ESRRG: variants seen among roughly 807,000 people sequenced by gnomAD.
ESRRG encodes the protein estrogen-related receptor gamma.
ESRRG carries 13 observed loss-of-function variants against 44.0 expected under a neutral mutation model. The observed-to-expected ratio is 0.30, with a 90% CI of 0.19 to 0.47. The LOEUF (loss-of-function observed/expected upper bound fraction) is 0.47. Ranked by LOEUF, ESRRG falls within the 20% of genes least tolerant of loss-of-function variation. The probability of loss-of-function intolerance (pLI) is 1.00; values close to 1 mark genes in which losing one functional copy is unlikely to be tolerated. For missense variants in ESRRG, 395 were observed against 580.6 expected (o/e 0.68, Z 3.29); for synonymous variants, 215 against 214.6 (o/e 1.00, Z -0.02).
chr1:216,917,446 G>A (rs2061339645), intron 2 of ESRRG, among the ~76,000 whole-genome samples: 2 of 152,112 alleles, frequency 1.3e-5, no homozygotes, highest in Admixed American at 6.5e-5. Flanking sequence ...TCCATTAAAA[G>A]GGAAAATAAT....
At chr1:216,838,266 G>A (rs994565769) in intron 2 of ESRRG, among the ~76,000 whole-genome samples, 6 of 152,152 alleles carry the variant, frequency 3.9e-5, no homozygotes, top group East Asian at 1.9e-4. Context: ...TGGTTCTCAC[G>A]TTGATAATGA....
intron 6 of ESRRG, among the ~76,000 whole-genome samples, chr1:216,508,364 G>A (rs780646147): frequency 6.6e-6 from 1 of 152,040 alleles, no homozygotes; most frequent in Non-Finnish European, 1.5e-5. Flanking sequence ...CTGGTGAACT[G>A]ACCACTATTT....
intron 5 of ESRRG, among the ~76,000 whole-genome samples, chr1:216,548,023 G>A (rs983004101): frequency 2.0e-5 from 3 of 151,984 alleles, no homozygotes; most frequent in African/African-American, 7.2e-5. Flanking sequence ...AGCTACGTGG[G>A]TTGGCTAGCA....
intron 1 of ESRRG, among the ~76,000 whole-genome samples, chr1:217,118,398 G>A (rs76981465): frequency 1.1e-4 from 16 of 151,508 alleles, no homozygotes; most frequent in African/African-American, 3.9e-4. Flanking sequence ...TGGCCTCAAA[G>A]TCTGTAGCTC....
At chr1:216,822,516 C>T (rs963715969) in intron 2 of ESRRG, among the ~76,000 whole-genome samples, 3 of 152,228 alleles carry the variant, frequency 2.0e-5, no homozygotes, top group African/African-American at 7.2e-5. Context: ...GAATCATGGC[C>T]TTAAAGTGGT....
At chr1:216,777,282 G>A (rs1287974417) in intron 2 of ESRRG, among the ~76,000 whole-genome samples, 3 of 152,080 alleles carry the variant, frequency 2.0e-5, no homozygotes, top group Admixed American at 2.0e-4. Context: ...TGTGAGAGAT[G>A]GTGTTCCGAG....
intron 3 of ESRRG, among the ~76,000 whole-genome samples, chr1:216,617,232 T>G (rs965506261): frequency 6.6e-6 from 1 of 152,128 alleles, no homozygotes; most frequent in Non-Finnish European, 1.5e-5. Flanking sequence ...GTGGCTGATG[T>G]TAACCAAACC....
intron 2 of ESRRG, among the ~76,000 whole-genome samples, chr1:216,871,812 T>C (rs2096263594): frequency 6.6e-6 from 1 of 152,098 alleles, no homozygotes; most frequent in Non-Finnish European, 1.5e-5. Context: ...CAATGTTAAA[T>C]GTTTTGCTTT....
At chr1:216,905,789 G>C (rs2059616421) in intron 2 of ESRRG, among the ~76,000 whole-genome samples, 1 of 152,008 alleles carries the variant, frequency 6.6e-6, no homozygotes, top group African/African-American at 2.4e-5. Flanking sequence ...TGTCACCCAG[G>C]CTTGAGTGCA....
At chr1:216,971,722 C>G (rs2071708612) in intron 1 of ESRRG, among the ~76,000 whole-genome samples, 1 of 152,114 alleles carries the variant, frequency 6.6e-6, no homozygotes, top group Non-Finnish European at 1.5e-5. Flanking sequence ...TGAAAACGAA[C>G]AATGAGACTG....
At chr1:216,719,044 T>C (rs939122504) in intron 1 of ESRRG, among the ~76,000 whole-genome samples, 9 of 152,048 alleles carry the variant, frequency 5.9e-5, no homozygotes, top group Non-Finnish European at 1.2e-4. Context: ...CTTCAGTGCT[T>C]AACATCACTT....
chr1:216,652,665 T>G (rs1252673414), intron 2 of ESRRG, among the ~76,000 whole-genome samples: 1 of 152,162 alleles, frequency 6.6e-6, no homozygotes, highest in Non-Finnish European at 1.5e-5. Flanking sequence ...GAGATATTAC[T>G]GATGCTATAC....
At chr1:216,811,751 A>G (rs2094976734) in intron 2 of ESRRG, among the ~76,000 whole-genome samples, 1 of 152,200 alleles carries the variant, frequency 6.6e-6, no homozygotes, top group Non-Finnish European at 1.5e-5. Flanking sequence ...AAAGGAACAG[A>G]GCATTATAAG....
chr1:216,866,634 G>A (rs368581499), intron 2 of ESRRG, among the ~76,000 whole-genome samples: 23 of 150,912 alleles, frequency 1.5e-4, no homozygotes, highest in Non-Finnish European at 3.2e-4. Flanking sequence ...GCAATGGTGC[G>A]GCCTCAGCTC....
At chr1:216,692,538 A>T (rs2079263923) in intron 1 of ESRRG, among the ~76,000 whole-genome samples, 1 of 152,216 alleles carries the variant, frequency 6.6e-6, no homozygotes, top group African/African-American at 2.4e-5. Flanking sequence ...AAGTTACAGT[A>T]AGCTAGGGCT....
At chr1:216,660,384 A>G (rs1053700434) in intron 2 of ESRRG, among the ~76,000 whole-genome samples, 2 of 152,182 alleles carry the variant, frequency 1.3e-5, no homozygotes, top group African/African-American at 4.8e-5. Flanking sequence ...TGTGCTTTAC[A>G]TTATGAACTA....
chr1:216,640,607 G>A lies in ESRRG; in HGVS notation c.589+10366C>T, dbSNP rs2066214648. Among the ~76,000 whole-genome samples, 3 of 152,026 alleles carry A rather than the reference G, an allele frequency of 2.0e-5. No individual in the cohort carries two copies. The South Asian group carries it at 6.2e-4, about 32-fold the overall frequency. ...CGGGGACTTAGAGATGAACAAAATC[G>A]TGCCTCATACCTGATATATTAGTAG... On this transcript the variant is annotated intron_variant, in intron 3 of 6. Transcript: ENST00000408911.
At chr1:217,036,927 T>A (rs569567184) in intron 1 of ESRRG, among the ~76,000 whole-genome samples, 1 of 152,174 alleles carries the variant, frequency 6.6e-6, no homozygotes, top group South Asian at 2.1e-4. Flanking sequence ...CCTCATTCCT[T>A]TTTAGCTCTC....
At chr1:216,995,842 T>C (rs544125218) in intron 1 of ESRRG, among the ~76,000 whole-genome samples, 5 of 152,342 alleles carry the variant, frequency 3.3e-5, no homozygotes, top group South Asian at 4.1e-4. Context: ...CTATTCTTTT[T>C]GTTCTATCAT....
Sources: allele counts gnomAD v4.1 joint callset (sites outside exome capture counted in the v4.1 genomes callset), GRCh38; gene constraint gnomAD v4.1.1; transcripts MANE v1.5; gene names NCBI Gene and HGNC (gene_info 2026-07-23, HGNC 2026-07-21).